Variants in PPARGC1B observed in about 807,000 individuals in gnomAD.
The protein encoded by PPARGC1B is PPARG coactivator 1 beta.
In PPARGC1B, 34 loss-of-function variants were observed where a neutral mutation model predicts 101.6. The ratio of observed to expected loss-of-function variants is 0.33; its 90% CI spans 0.25 to 0.45. The LOEUF is 0.45. Among genes scored for constraint, PPARGC1B ranks in the 20% least tolerant of loss-of-function variants. The probability of loss-of-function intolerance (pLI) is 1.00; values close to 1 mark genes in which losing one functional copy is unlikely to be tolerated. For missense variants in PPARGC1B, 1,234 were observed against 1,317.6 expected (o/e 0.94, Z 0.98); for synonymous variants, 548 against 539.3 (o/e 1.02, Z -0.22).
intron 1 of PPARGC1B, among the ~76,000 whole-genome samples, chr5:149,738,648 G>A (rs1220586701): frequency 1.1e-4 from 16 of 152,004 alleles, no homozygotes; most frequent in African/African-American, 3.9e-4. Flanking sequence ...TGTCGCCCAG[G>A]TTGGAGTGCA....
At chr5:149,826,126 A>C (rs1006060736) in intron 2 of PPARGC1B, among the ~76,000 whole-genome samples, 2 of 152,160 alleles carry the variant, frequency 1.3e-5, no homozygotes, top group Non-Finnish European at 2.9e-5. Flanking sequence ...TCTAATCACC[A>C]TAGTTGCTAC....
At chr5:149,812,646 C>G (rs1757909101) in intron 1 of PPARGC1B, among the ~76,000 whole-genome samples, 1 of 152,234 alleles carries the variant, frequency 6.6e-6, no homozygotes, top group East Asian at 1.9e-4. Context: ...GCCGTCCCTG[C>G]TCTGGCTTCT....
chr5:149,838,407 C>T (rs1759196907), intron 8 of PPARGC1B, among the ~76,000 whole-genome samples: 1 of 151,618 alleles, frequency 6.6e-6, no homozygotes, highest in South Asian at 2.1e-4. Flanking sequence ...TGCGTTCTGC[C>T]GACTTCGCTG....
intron 1 of PPARGC1B, among the ~76,000 whole-genome samples, chr5:149,760,010 G>T (rs1755664606): frequency 6.6e-6 from 1 of 152,212 alleles, no homozygotes; most frequent in Admixed American, 6.5e-5. Flanking sequence ...CCCACAGGGT[G>T]CTCCAGACAT....
chr5:149,849,744 TC>T lies in PPARGC1B; in HGVS notation c.*2188del, dbSNP rs1299650619. ...TGAGAGAAAACTCCCCTAATGCTAT[TC>T]CATGGCGTAACACTCCCAATACTAT... On this transcript the variant is annotated 3_prime_UTR_variant, in exon 12 of 12. Coordinates refer to ENST00000309241, the MANE Select transcript of PPARGC1B (RefSeq NM_133263.4). 1 of 152,170 alleles carries T rather than the reference TC, an allele frequency of 6.6e-6. No homozygotes were observed. Among genetic ancestry groups the T allele is most frequent in the Non-Finnish European group, 1.5e-5 (1 of 68,032 alleles). The allele number at this position is 152,170 out of a possible 1,614,324, so 9.4% of individuals were successfully genotyped here.
At chr5:149,841,281 C>G (rs1036022350) in intron 9 of PPARGC1B, among the ~76,000 whole-genome samples, 1 of 152,022 alleles carries the variant, frequency 6.6e-6, no homozygotes, top group Non-Finnish European at 1.5e-5. Context: ...CTCAGGGGGA[C>G]AAGTGTTTGG....
intron 1 of PPARGC1B, among the ~76,000 whole-genome samples, chr5:149,789,535 A>T (rs1430186545): frequency 6.6e-6 from 1 of 152,208 alleles, no homozygotes; most frequent in Non-Finnish European, 1.5e-5. Context: ...ATTAAATGAC[A>T]CTTTTTGTGT....
At chr5:149,781,927 C>T (rs922137615) in intron 1 of PPARGC1B, among the ~76,000 whole-genome samples, 2 of 152,116 alleles carry the variant, frequency 1.3e-5, no homozygotes, top group Non-Finnish European at 2.9e-5. Flanking sequence ...TAAAGAAAAA[C>T]AATCATTAAT....
chr5:149,753,483 C>T (rs1238294699), intron 1 of PPARGC1B, among the ~76,000 whole-genome samples: 1 of 152,042 alleles, frequency 6.6e-6, no homozygotes, highest in Admixed American at 6.6e-5. Flanking sequence ...GCTGGGATTA[C>T]TAAAGGCATG....
rs550014571 is a variant in PPARGC1B at position 149,848,886 on chromosome 5, T to A, written c.*1328T>A. ...GGAGGGAGTGAAGGTTGGGAATAGA[T>A]AGGACAATCTCCTAGCTCTCCTCCA... On this transcript the variant is annotated 3_prime_UTR_variant, in exon 12 of 12. Coordinates refer to ENST00000309241, the MANE Select transcript of PPARGC1B (RefSeq NM_133263.4). 1.3e-5 allele frequency: 2 copies of A among 152,186 alleles called. No homozygotes were observed. The highest frequency in any genetic ancestry group is 4.8e-5 in the African/African-American group (2 of 41,422). 9.4% of individuals were successfully genotyped at this position (152,186 alleles called of 1,614,324 possible).
intron 1 of PPARGC1B, among the ~76,000 whole-genome samples, chr5:149,811,534 A>G (rs953445790): frequency 2.0e-5 from 3 of 152,202 alleles, no homozygotes; most frequent in African/African-American, 7.2e-5. Context: ...ATCTTAGTAA[A>G]TAAACAACTA....
chr5:149,747,316 C>G (rs1755126479), intron 1 of PPARGC1B, among the ~76,000 whole-genome samples: 1 of 152,170 alleles, frequency 6.6e-6, no homozygotes, highest in Admixed American at 6.5e-5. Context: ...CTTCGCATAA[C>G]TGAATGTGTC....
At chr5:149,774,095 C>A (rs754568435) in intron 1 of PPARGC1B, among the ~76,000 whole-genome samples, 12 of 152,160 alleles carry the variant, frequency 7.9e-5, no homozygotes, top group Non-Finnish European at 1.5e-4. Flanking sequence ...GTCCTGGGTC[C>A]CCCTTTCAGC....
intron 1 of PPARGC1B, among the ~76,000 whole-genome samples, chr5:149,735,175 G>A (rs910932734): frequency 1.3e-5 from 2 of 152,146 alleles, no homozygotes; most frequent in African/African-American, 2.4e-5. Context: ...AGCCAGAAGG[G>A]GTCATGTTCA....
At chr5:149,759,801 A>C (rs1366003900) in intron 1 of PPARGC1B, among the ~76,000 whole-genome samples, 4 of 152,206 alleles carry the variant, frequency 2.6e-5, no homozygotes, top group African/African-American at 9.6e-5. Flanking sequence ...CTGGCTGCCA[A>C]GAGCCCCCTG....
chr5:149,819,634 C>G (rs1406326889), intron 1 of PPARGC1B, among the ~76,000 whole-genome samples: 2 of 152,198 alleles, frequency 1.3e-5, no homozygotes, highest in Non-Finnish European at 2.9e-5. Context: ...TCCCAAGTTA[C>G]TGAGATTACA....
intron 1 of PPARGC1B, among the ~76,000 whole-genome samples, chr5:149,791,940 C>T (rs969793186): frequency 1.3e-5 from 2 of 152,158 alleles, no homozygotes; most frequent in African/African-American, 4.8e-5. Context: ...GCCTAGGGAA[C>T]CCCAGGATAC....
At chr5:149,828,668 G>A (rs1178842029) in intron 3 of PPARGC1B, among the ~76,000 whole-genome samples, 1 of 152,152 alleles carries the variant, frequency 6.6e-6, no homozygotes, top group African/African-American at 2.4e-5. Flanking sequence ...CATGCTTATT[G>A]AGTGCCTCTG....
chr5:149,829,609 C>G (rs1487597727), intron 3 of PPARGC1B, among the ~76,000 whole-genome samples: 2 of 151,924 alleles, frequency 1.3e-5, no homozygotes, highest in African/African-American at 2.4e-5. Context: ...ATGTATTCAA[C>G]TTCCTGCTCT....
Sources: gnomAD v4.1 joint callset for allele counts (sites outside exome capture counted in the v4.1 genomes callset) on GRCh38, gnomAD v4.1.1 for gene constraint, MANE v1.5 for transcripts, NCBI Gene and HGNC (gene_info 2026-07-23, HGNC 2026-07-21) for gene names.